Variants in MYO3B observed in about 807,000 individuals in gnomAD.
MYO3B encodes myosin IIIB, also known as myosin-IIIb.
Under a neutral mutation model 174.6 loss-of-function variants are expected in MYO3B, and 156 were observed. The observed-to-expected ratio is 0.89, with a 90% CI of 0.78 to 1.02. The LOEUF (loss-of-function observed/expected upper bound fraction) is 1.02, where lower values mean the gene tolerates loss of function less well. Ranked by LOEUF, MYO3B falls within the 50% of genes least tolerant of loss-of-function variation. The probability of loss-of-function intolerance (pLI) is 0.00; values close to 1 mark genes in which losing one functional copy is unlikely to be tolerated. For synonymous variants in MYO3B, 563 were observed against 569.1 expected (o/e 0.99, Z 0.15); for missense variants, 1,632 against 1,639.4 (o/e 1.00, Z 0.08).
intron 7 of MYO3B, among the ~76,000 whole-genome samples, chr2:170,306,649 C>G (rs1314707531): frequency 3.3e-5 from 5 of 149,920 alleles, no homozygotes; most frequent in African/African-American, 1.0e-4. Flanking sequence ...GAGCACTGAG[C>G]CTGTGAGCCC....
At position 170,463,437 on chromosome 2, in the gene MYO3B, T is replaced by TA. The variant is rs746102859; in HGVS notation, c.2801dup (p.Tyr934Ter). Residue 934 changes from tyrosine (Y) to a stop codon, truncating the protein, a stop_gained and frameshift_variant, in exon 24 of 35, where the codon TAC becomes TAAC. Transcript: ENST00000408978. LOFTEE classifies it high-confidence loss of function. ...TNMKRQTVAS[Y>*]FRYSLMDLLS... ...CATGAAGAGGCAAACTGTGGCTTCT[T>TA]ACTTCCGGGTATGGAGTCTTCTTGA... The TA allele has an allele frequency of 7.4e-5, 120 of 1,613,946 alleles. No homozygotes were observed. The highest frequency in any genetic ancestry group is 9.1e-5 in the Non-Finnish European group (107 of 1,179,980).
chr2:170,479,950 CAT>C (rs1350867997), intron 25 of MYO3B, among the ~76,000 whole-genome samples: 1 of 145,698 alleles, frequency 6.9e-6, no homozygotes, highest in East Asian at 2.0e-4. Flanking sequence ...CCTATAAAAC[CAT>C]ATATGTGTAT....
rs2092360037 is a variant in MYO3B, at chr2:170,178,546, CACCA to C, written c.2+258_2+261del. Among the ~76,000 whole-genome samples, 7 of 37,172 alleles carry C rather than the reference CACCA, an allele frequency of 1.9e-4. No individual in the cohort carries two copies. The South Asian group carries it at 0.013, about 69-fold the overall frequency. The allele number at this position is 37,172 out of a possible 152,430, so 24.4% of individuals were successfully genotyped here. A position where few individuals can be genotyped will look rare whatever the true frequency, so the allele number is the denominator to read the frequency against. On this transcript the variant is annotated intron_variant, in intron 1 of 34. Coordinates refer to ENST00000408978, the MANE Select transcript of MYO3B (RefSeq NM_138995.5). ...GAGTATTGCTTTTTACACAGACACA[CACCA>C]CACACACACACACACACACACACAC...
At chr2:170,496,128 C>T (rs907348060) in intron 25 of MYO3B, among the ~76,000 whole-genome samples, 1 of 152,240 alleles carries the variant, frequency 6.6e-6, no homozygotes, top group Non-Finnish European at 1.5e-5. Flanking sequence ...TCAGAGAGCA[C>T]TGCCCCTCCT....
At position 170,652,158 on chromosome 2, in the gene MYO3B, A is replaced by C; in HGVS notation, c.3887+4A>C. 2 of 1,613,882 alleles carry C rather than the reference A, an allele frequency of 1.2e-6. No individual in the cohort carries two copies. Among genetic ancestry groups the C allele is most frequent in the South Asian group, 2.2e-5 (2 of 91,052 alleles). ...AGAGGAAGCCAAGAAAACTTGGGTA[A>C]ATATCTGTCTTCTTAGTTCTAAGCA... On this transcript the variant is annotated splice_donor_region_variant and intron_variant, in intron 34 of 34. Coordinates refer to ENST00000408978, the MANE Select transcript of MYO3B (RefSeq NM_138995.5).
chr2:170,537,448 ATTTTTTTTTTTTTTT>A (rs559086883), intron 30 of MYO3B, among the ~76,000 whole-genome samples: 40 of 54,824 alleles, frequency 7.3e-4, no homozygotes, highest in Middle Eastern at 0.014. Flanking sequence ...GAGCTCTTTG[ATTTTTTTTTTTTTTT>A]TTTTTTTTTT....
At chr2:170,416,942 C>T (rs989880857) in intron 22 of MYO3B, among the ~76,000 whole-genome samples, 7 of 151,292 alleles carry the variant, frequency 4.6e-5, no homozygotes, top group South Asian at 4.2e-4. Context: ...TCTCCTGCCT[C>T]AGCCTCCCGA....
chr2:170,544,498 A>G (rs142690662), intron 32 of MYO3B, among the ~76,000 whole-genome samples: 279 of 152,370 alleles, frequency 1.8e-3, no homozygotes, highest in Non-Finnish European at 3.6e-3. Context: ...AGCTAAAACC[A>G]GTGCTTCTGG....
intron 32 of MYO3B, among the ~76,000 whole-genome samples, chr2:170,576,695 C>T (rs1197998947): frequency 6.6e-6 from 1 of 152,196 alleles, no homozygotes; most frequent in Non-Finnish European, 1.5e-5. Context: ...TATATAACTG[C>T]TATAGTCCTT....
chr2:170,178,953 C>T (rs2092364871), intron 1 of MYO3B, among the ~76,000 whole-genome samples: 1 of 152,114 alleles, frequency 6.6e-6, no homozygotes, highest in Non-Finnish European at 1.5e-5. Flanking sequence ...TGATTCTTTT[C>T]TTCCTCTCAG....
At chr2:170,308,216 A>C (rs2093713617) in intron 7 of MYO3B, among the ~76,000 whole-genome samples, 1 of 152,240 alleles carries the variant, frequency 6.6e-6, no homozygotes, top group African/African-American at 2.4e-5. Flanking sequence ...GGTTCTGAGA[A>C]AAACGTGAAT....
chr2:170,178,229 GT>G lies in MYO3B; in HGVS notation c.-54del, dbSNP rs987065773. The G allele has an allele frequency of 4.3e-6, 7 of 1,612,240 alleles. No individual in the cohort carries two copies. In the African/African-American group the frequency reaches 9.3e-5, roughly 21 times the overall value. On this transcript the variant is annotated 5_prime_UTR_variant, in exon 1 of 35. Coordinates refer to ENST00000408978, the MANE Select transcript of MYO3B (RefSeq NM_138995.5). Reference sequence around the variant, plus strand: ...TTTCTGGGCCTGAAGTGTTCTGCTGGTTTTTGGAGGAATGAGAATCCAATCT... The same window carrying G: ...TTTCTGGGCCTGAAGTGTTCTGCTGGTTTTGGAGGAATGAGAATCCAATCT...
At chr2:170,322,402 T>A (rs921519739) in intron 7 of MYO3B, among the ~76,000 whole-genome samples, 3 of 152,196 alleles carry the variant, frequency 2.0e-5, no homozygotes, top group African/African-American at 7.2e-5. Flanking sequence ...CCTTACAAAC[T>A]GCCAGGACCC....
Position 170,407,845 on chromosome 2 carries a change from G to A in MYO3B, c.2650+1G>A, listed in dbSNP as rs988093401. On this transcript the variant is annotated splice_donor_variant, in intron 22 of 34. Coordinates refer to ENST00000408978, the MANE Select transcript of MYO3B (RefSeq NM_138995.5). LOFTEE classifies it high-confidence loss of function. ...TTCTCAATCCCTCTGACCAAAACAG[G>A]TACTTGGGAACCCTCTGATAGCCCT... The A allele has an allele frequency of 1.2e-6, 2 of 1,613,788 alleles. No individual in the cohort carries two copies. The highest frequency in any genetic ancestry group is 2.7e-5 in the African/African-American group (2 of 74,912).
At chr2:170,224,968 T>C (rs1000907818) in intron 6 of MYO3B, among the ~76,000 whole-genome samples, 1 of 152,256 alleles carries the variant, frequency 6.6e-6, no homozygotes. Context: ...GATAATGCTA[T>C]TTCCTTTGGC....
At chr2:170,339,348 A>G (rs1381135763) in intron 8 of MYO3B, among the ~76,000 whole-genome samples, 3 of 152,208 alleles carry the variant, frequency 2.0e-5, no homozygotes, top group African/African-American at 7.2e-5. Context: ...GACCTTTAAT[A>G]CTTTGTCCTC....
chr2:170,416,886 C>T (rs1197969159), intron 22 of MYO3B, among the ~76,000 whole-genome samples: 3 of 147,882 alleles, frequency 2.0e-5, no homozygotes, highest in African/African-American at 5.0e-5. Flanking sequence ...AGTGCAGTGC[C>T]GCGATCTCGG....
Position 170,178,261 on chromosome 2 carries a change from A to T in MYO3B, c.-27A>T. The T allele has an allele frequency of 6.2e-7, 1 of 1,614,104 alleles. No homozygotes were observed. The highest frequency in any genetic ancestry group is 8.5e-7 in the Non-Finnish European group (1 of 1,179,962). The stretch of plus-strand genomic sequence containing the variant: ...GAGGAATGAGAATCCAATCTCTCAT[A>T]AGCCGGATTCAGAAAATAGGTCATC... On this transcript the variant is annotated 5_prime_UTR_variant, in exon 1 of 35. Transcript: ENST00000408978.
intron 7 of MYO3B, among the ~76,000 whole-genome samples, chr2:170,326,573 C>T (rs547735596): frequency 1.2e-4 from 18 of 152,332 alleles, no homozygotes; most frequent in African/African-American, 4.3e-4. Context: ...CACACACCCA[C>T]TTGTCCCCTC....
Sources: allele counts gnomAD v4.1 joint callset (sites outside exome capture counted in the v4.1 genomes callset), GRCh38; gene constraint gnomAD v4.1.1; transcripts MANE v1.5; gene names NCBI Gene and HGNC (gene_info 2026-07-23, HGNC 2026-07-21).